Variants in ELK1 observed in about 807,000 individuals in gnomAD.
The protein encoded by ELK1 is ETS domain-containing protein Elk-1.
For missense variants in ELK1, 254 were observed against 381.5 expected, an observed-to-expected ratio of 0.67 and a Z score of 2.78; for synonymous variants, 163 against 176.3, an observed-to-expected ratio of 0.92 and a Z score of 0.60.
At position 47,638,924 on chromosome X, in the gene ELK1, C is replaced by T. The variant is rs749835250; in HGVS notation, c.625G>A (p.Glu209Lys). 4.7e-5 allele frequency: 57 copies of T among 1,204,015 alleles called. No homozygotes were observed. Among genetic ancestry groups the T allele is most frequent in the Non-Finnish European group, 6.1e-5 (54 of 892,042 alleles). ...TSPSPLEACL[E>K]AEEAGLPLQV... ...AGAGGCAAGCCGGCCTCTTCAGCCT[C>T]CAGACAGGCCTCCAAGGGGCTTGGA... Residue 209 changes from glutamate (E) to lysine (K), a missense_variant, in exon 4 of 7, where the codon GAG becomes AAG. Glu to Lys is a moderately conservative substitution (Grantham distance 56, BLOSUM62 1). Coordinates refer to ENST00000376983, the MANE Select transcript of ELK1 (RefSeq NM_001114123.3).
chrX:47,645,432 C>T (rs145116240), intron 2 of ELK1, among the ~76,000 whole-genome samples: 396 of 111,722 alleles, frequency 3.5e-3, no homozygotes, highest in African/African-American at 0.012. Context: ...TTGGCAGAGC[C>T]GGAATTCAAA....
Position 47,637,802 on chromosome X carries a change from G to A in ELK1, c.1035C>T (p.Leu345=), listed in dbSNP as rs764561959. ...RTPGSGSGSG[L]QAPGPALTPS... ...GGGTCAGCGCCGGCCCCGGAGCCTG[G>A]AGGCCGGAGCCACTTCCCGATCCTG... Residue 345 remains leucine, a synonymous_variant, in exon 5 of 7, where the codon CTC becomes CTT. Coordinates refer to ENST00000376983, the MANE Select transcript of ELK1 (RefSeq NM_001114123.3). 8.4e-7 allele frequency: 1 copy of A among 1,195,686 alleles called. No homozygotes were observed. Among genetic ancestry groups the A allele is most frequent in the African/African-American group, 1.7e-5 (1 of 57,685 alleles).
rs1603088458 is a variant in ELK1 at position 47,635,765 on chromosome X, T to C, written c.*1064A>G. On this transcript the variant is annotated 3_prime_UTR_variant, in exon 7 of 7. Transcript: ENST00000376983. ...GACAGGACAGGCTTTATGTCCCCCA[T>C]TCCTCCCTCCCAACTCCAGGGACAT... The C allele has an allele frequency of 9.0e-6, 1 of 110,620 alleles. No homozygotes were observed. The highest frequency in any genetic ancestry group is 2.9e-4 in the East Asian group (1 of 3,496). The allele number at this position is 110,620 out of a possible 1,213,427, so 9.1% of individuals were successfully genotyped here.
Position 47,648,011 on chromosome X carries a change from T to G in ELK1, c.-35+1910A>C, listed in dbSNP as rs1239813396. 2.7e-5 allele frequency among the ~76,000 whole-genome samples: 3 copies of G among 112,521 alleles called. No homozygotes were observed. In the East Asian group the frequency reaches 8.3e-4, roughly 31 times the overall value. On this transcript the variant is annotated intron_variant, in intron 2 of 6. Transcript: ENST00000376983. ...ATAGTATATTCTAAGTACCATGGTG[T>G]GACAATCAACCTTTAATGAAATAAC...
intron 2 of ELK1, among the ~76,000 whole-genome samples, chrX:47,643,215 G>A (rs762674379): frequency 8.9e-6 from 1 of 112,012 alleles, no homozygotes; most frequent in Non-Finnish European, 1.9e-5. Context: ...GAGGCACCAC[G>A]CTTGGCTGAT....
chrX:47,639,414 G>C, intron 3 of ELK1, 76 bp from the exon 4 acceptor site: 3 of 878,430 alleles, frequency 3.4e-6, no homozygotes, highest in Non-Finnish European at 4.9e-6. Flanking sequence ...GGGGGAGGAG[G>C]GGGGTGGAGT....
At chrX:47,643,217 T>A (rs1185189140) in intron 2 of ELK1, among the ~76,000 whole-genome samples, 1 of 112,291 alleles carries the variant, frequency 8.9e-6, no homozygotes, top group Non-Finnish European at 1.9e-5. Flanking sequence ...GGCACCACGC[T>A]TGGCTGATAT....
At position 47,636,055 on chromosome X, in the gene ELK1, G is replaced by C. The variant is rs1237383178; in HGVS notation, c.*774C>G. ...ACAGGGAGACCTGGAGTACTGGCTGGAGGGGCCCCCCAGACGGGGACCACC... is the reference window on the plus strand; with the variant it reads ...ACAGGGAGACCTGGAGTACTGGCTGCAGGGGCCCCCCAGACGGGGACCACC... On this transcript the variant is annotated 3_prime_UTR_variant, in exon 7 of 7. Coordinates refer to ENST00000376983, the MANE Select transcript of ELK1 (RefSeq NM_001114123.3). The C allele has an allele frequency of 9.0e-6, 1 of 111,324 alleles. No individual in the cohort carries two copies. The highest frequency in any genetic ancestry group is 2.8e-4 in the East Asian group (1 of 3,553). 9.2% of individuals were successfully genotyped at this position (111,324 alleles called of 1,213,427 possible).
At chrX:47,642,406 G>GT (rs112935420) in intron 2 of ELK1, among the ~76,000 whole-genome samples, 35 of 105,796 alleles carry the variant, frequency 3.3e-4, no homozygotes, top group South Asian at 8.3e-4. Context: ...TTTTCAGGAG[G>GT]TTTTTTTTTT....
intron 2 of ELK1, among the ~76,000 whole-genome samples, chrX:47,645,495 TGAAGAGAAACAGAG>T (rs2058040762): frequency 8.9e-6 from 1 of 111,742 alleles, no homozygotes; most frequent in East Asian, 2.8e-4. Flanking sequence ...CAGTTCTCCA[TGAAGAGAAACAGAG>T]AAGGGTAAGA....
rs139987449 is a variant in ELK1, at chrX:47,644,133, A to G, written c.-34-2658T>C. 2.0e-3 allele frequency among the ~76,000 whole-genome samples: 221 copies of G among 112,076 alleles called. 1 individual carries two copies. Among genetic ancestry groups the G allele is most frequent in the African/African-American group, 6.8e-3 (210 of 30,837 alleles). On this transcript the variant is annotated intron_variant, in intron 2 of 6. Transcript: ENST00000376983. ...AGGCAGGCTTGTTTCAGAAGTCCAA[A>G]GAGTTCAGAGTGACTCCTGGTGGCA...
intron 3 of ELK1, among the ~76,000 whole-genome samples, chrX:47,639,933 C>A (rs1437925961): frequency 8.9e-6 from 1 of 112,556 alleles, no homozygotes; most frequent in Admixed American, 9.4e-5. Flanking sequence ...ATTATTAATA[C>A]AGAGGATTAT....
At chrX:47,640,417 A>T (rs1001208258) in intron 3 of ELK1, among the ~76,000 whole-genome samples, 2 of 111,439 alleles carry the variant, frequency 1.8e-5, no homozygotes, top group East Asian at 5.6e-4. Flanking sequence ...TTCTCGGAAG[A>T]GGAATAAAAA....
Position 47,639,144 on chromosome X carries a change from C to T in ELK1, c.405G>A (p.Lys135=), listed in dbSNP as rs758848870. ...CGCCTGGGCCTGCCATTCCTGCACC[C>T]TTGGGTGTGCCTGGCTTTCCAGAGA... ...DTVSGKPGTP[K]GAGMAGPGGL... Residue 135 remains lysine, a synonymous_variant, in exon 4 of 7, where the codon AAG becomes AAA. Transcript: ENST00000376983. 3.3e-6 allele frequency: 4 copies of T among 1,206,013 alleles called. No individual in the cohort carries two copies. The highest frequency in any genetic ancestry group is 4.5e-6 in the Non-Finnish European group (4 of 893,019).
chrX:47,648,340 T>G (rs376626812), intron 2 of ELK1, among the ~76,000 whole-genome samples: 45 of 112,454 alleles, frequency 4.0e-4, no homozygotes, highest in African/African-American at 1.4e-3. Flanking sequence ...CAACTAGCAC[T>G]CTTAGAAACA....
chrX:47,639,090 G>A lies in ELK1; in HGVS notation c.459C>T (p.Tyr153=), dbSNP rs1197261358. 1 of 1,201,477 alleles carries A rather than the reference G, an allele frequency of 8.3e-7. No homozygotes were observed. Among genetic ancestry groups the A allele is most frequent in the Non-Finnish European group, 1.1e-6 (1 of 890,511 alleles). The change falls in exon 4 of 7, where the codon TAC becomes TAT. Residue 153 remains tyrosine (Y), a synonymous_variant. Coordinates refer to ENST00000376983, the MANE Select transcript of ELK1 (RefSeq NM_001114123.3). ...AGGTGGAATAGAGGCCCGAGCGCATGTACTCGTTCCGGCTGCTGCGTGCCA... is the reference window on the plus strand; with the variant it reads ...AGGTGGAATAGAGGCCCGAGCGCATATACTCGTTCCGGCTGCTGCGTGCCA... ...GGLARSSRNE[Y]MRSGLYSTFT...
At position 47,650,030 on chromosome X, in the gene ELK1, G is replaced by C. The variant is rs2058056065; in HGVS notation, c.-140-4C>G. On this transcript the variant is annotated splice_polypyrimidine_tract_variant and splice_region_variant and intron_variant, in intron 1 of 6. Transcript: ENST00000376983. The stretch of plus-strand genomic sequence containing the variant: ...ACGGGTCTCCTGAAAGTTGAGGCTA[G>C]GAGAAATCCAAACACTCAGATACAC... 1 of 101,744 alleles carries C rather than the reference G, an allele frequency of 9.8e-6. No individual in the cohort carries two copies. The highest frequency in any genetic ancestry group is 2.0e-5 in the Non-Finnish European group (1 of 50,529). The allele number at this position is 101,744 out of a possible 1,213,427, so 8.4% of individuals were successfully genotyped here. A position where few individuals can be genotyped will look rare whatever the true frequency, so the allele number is the denominator to read the frequency against.
At chrX:47,650,175 G>A (rs1271325310) in intron 1 of ELK1, 149 bp from the exon 2 acceptor site, 1 of 130,270 alleles carries the variant, frequency 7.7e-6, no homozygotes, top group Non-Finnish European at 1.5e-5. Context: ...CTAAGTTGGC[G>A]TGGGGAAAAA....
At chrX:47,644,911 G>A (rs1296308455) in intron 2 of ELK1, among the ~76,000 whole-genome samples, 2 of 111,600 alleles carry the variant, frequency 1.8e-5, no homozygotes, top group African/African-American at 3.3e-5. Flanking sequence ...TCCCCCTGGC[G>A]GTTGTGAGAA....
Sources: gnomAD v4.1 joint callset for allele counts (sites outside exome capture counted in the v4.1 genomes callset) on GRCh38, gnomAD v4.1.1 for gene constraint, MANE v1.5 for transcripts, NCBI Gene and HGNC (gene_info 2026-07-23, HGNC 2026-07-21) for gene names.